Variants in PAM observed in about 807,000 individuals in gnomAD.
The protein encoded by PAM is peptidylglycine alpha-amidating monooxygenase.
Under a neutral mutation model 122.1 loss-of-function variants are expected in PAM, and 72 were observed. The observed-to-expected ratio is 0.59, with a 90% confidence interval of 0.49 to 0.72. The LOEUF (loss-of-function observed/expected upper bound fraction) is 0.72, where lower values mean the gene tolerates loss of function less well. PAM is among the 30% of genes least tolerant of loss of function. PAM has a pLI of 0.00. For synonymous variants in PAM, 389 were observed against 404.4 expected (o/e 0.96, Z 0.46); for missense variants, 1,106 against 1,183.7 (o/e 0.93, Z 0.96).
At chr5:102,894,074 G>A (rs1307690357) in intron 3 of PAM, among the ~76,000 whole-genome samples, 1 of 151,594 alleles carries the variant, frequency 6.6e-6, no homozygotes, top group African/African-American at 2.4e-5. Context: ...TACCATTGCT[G>A]CAGGCATTTC....
At chr5:102,782,624 T>G (rs893848735) in intron 1 of PAM, among the ~76,000 whole-genome samples, 1 of 152,174 alleles carries the variant, frequency 6.6e-6, no homozygotes, top group Non-Finnish European at 1.5e-5. Flanking sequence ...AAAGTCAATA[T>G]TTGGTTCTTA....
At chr5:102,977,033 G>T (rs1767906066) in intron 15 of PAM, among the ~76,000 whole-genome samples, 1 of 152,140 alleles carries the variant, frequency 6.6e-6, no homozygotes, top group Non-Finnish European at 1.5e-5. Flanking sequence ...TAATACAATG[G>T]TGTTTTCTGC....
chr5:102,800,856 A>C (rs1764531065), intron 1 of PAM, among the ~76,000 whole-genome samples: 2 of 152,112 alleles, frequency 1.3e-5, no homozygotes. Context: ...ATGTGTAATT[A>C]ATATTTTACA....
At chr5:102,861,632 G>C (rs1432024985) in intron 1 of PAM, among the ~76,000 whole-genome samples, 3 of 152,156 alleles carry the variant, frequency 2.0e-5, no homozygotes, top group African/African-American at 7.2e-5. Context: ...TTTGGAACCT[G>C]AGGATTAGAT....
intron 4 of PAM, among the ~76,000 whole-genome samples, chr5:102,901,949 C>T (rs766110711): frequency 7.9e-5 from 12 of 151,494 alleles, no homozygotes; most frequent in African/African-American, 2.7e-4. Flanking sequence ...AATAAGAGAA[C>T]GCTTAAATGA....
intron 7 of PAM, among the ~76,000 whole-genome samples, chr5:102,932,844 A>G (rs1410040782): frequency 2.0e-5 from 3 of 152,154 alleles, no homozygotes; most frequent in East Asian, 1.9e-4. Context: ...TGATTGTGCT[A>G]TGATTTCTTT....
rs569427441 is a variant in PAM at position 102,805,152 on chromosome 5, C to T, written c.-374+49804C>T. ...GTAGTGTGATCTCAGCTCACTGCAA[C>T]CTCCGCCTCCTGGGTTCAAGCAGTT... On this transcript the variant is annotated intron_variant, in intron 1 of 25. Coordinates refer to ENST00000438793, the MANE Select transcript of PAM (RefSeq NM_001177306.2). 6.7e-5 allele frequency among the ~76,000 whole-genome samples: 10 copies of T among 149,766 alleles called. No individual in the cohort carries two copies. In the South Asian group the frequency reaches 2.1e-3, roughly 32 times the overall value.
chr5:102,848,506 C>A (rs1436391798), intron 1 of PAM, among the ~76,000 whole-genome samples: 1 of 152,208 alleles, frequency 6.6e-6, no homozygotes, highest in Non-Finnish European at 1.5e-5. Context: ...AAAAGACCAA[C>A]TTGATGCTCA....
chr5:102,913,897 C>T, intron 4 of PAM, 37 bp from the exon 5 acceptor site: 1 of 1,159,578 alleles, frequency 8.6e-7, no homozygotes, highest in Non-Finnish European at 1.3e-6. Flanking sequence ...AGAAGTGTAA[C>T]TTGTATTCAC....
At chr5:102,779,924 C>CACACAT (rs775810552) in intron 1 of PAM, among the ~76,000 whole-genome samples, 7 of 85,964 alleles carry the variant, frequency 8.1e-5, no homozygotes, top group East Asian at 3.4e-4. Flanking sequence ...TATATACACA[C>CACACAT]ATATATATAT....
intron 1 of PAM, among the ~76,000 whole-genome samples, chr5:102,828,447 G>A (rs1774327183): frequency 6.6e-6 from 1 of 152,080 alleles, no homozygotes; most frequent in Admixed American, 6.6e-5. Flanking sequence ...TATGAATACT[G>A]GCTGTGTCTG....
chr5:102,777,468 G>C (rs1757469336), intron 1 of PAM, among the ~76,000 whole-genome samples: 1 of 152,096 alleles, frequency 6.6e-6, no homozygotes, highest in African/African-American at 2.4e-5. Flanking sequence ...CATACCAGGT[G>C]CTCTATAAAT....
intron 1 of PAM, among the ~76,000 whole-genome samples, chr5:102,851,509 A>C (rs1231960020): frequency 6.6e-6 from 1 of 152,170 alleles, no homozygotes; most frequent in African/African-American, 2.4e-5. Context: ...GGCAAATAAT[A>C]CTGCTTAACT....
At chr5:102,980,914 G>T (rs999759963) in intron 15 of PAM, among the ~76,000 whole-genome samples, 6 of 152,140 alleles carry the variant, frequency 3.9e-5, no homozygotes, top group African/African-American at 1.4e-4. Context: ...GAACCAGGTT[G>T]CTCATGGTGT....
At chr5:102,797,495 A>G (rs1450352392) in intron 1 of PAM, among the ~76,000 whole-genome samples, 2 of 152,164 alleles carry the variant, frequency 1.3e-5, no homozygotes, top group Non-Finnish European at 2.9e-5. Flanking sequence ...GCAGGTGGCT[A>G]ATGGCTTTCG....
intron 1 of PAM, among the ~76,000 whole-genome samples, chr5:102,771,615 C>T (rs146471940): frequency 6.6e-6 from 1 of 152,218 alleles, no homozygotes; most frequent in East Asian, 1.9e-4. Flanking sequence ...TTTTCAACTA[C>T]AGGATCACAA....
chr5:102,984,635 C>A (rs1010767238), intron 15 of PAM, among the ~76,000 whole-genome samples: 5 of 152,074 alleles, frequency 3.3e-5, no homozygotes, highest in Non-Finnish European at 5.9e-5. Context: ...GACTCCAACA[C>A]AATAATGGTT....
At chr5:102,937,551 T>G (rs1753673552) in intron 7 of PAM, among the ~76,000 whole-genome samples, 1 of 152,144 alleles carries the variant, frequency 6.6e-6, no homozygotes, top group Admixed American at 6.6e-5. Context: ...CAATGGATGT[T>G]ATGTGTCATG....
intron 16 of PAM, among the ~76,000 whole-genome samples, chr5:102,997,063 A>G (rs908919746): frequency 1.3e-5 from 2 of 152,184 alleles, no homozygotes; most frequent in Non-Finnish European, 2.9e-5. Context: ...AATAATAATC[A>G]TAAAGCTATG....
Sources: gnomAD v4.1 joint callset for allele counts (sites outside exome capture counted in the v4.1 genomes callset) on GRCh38, gnomAD v4.1.1 for gene constraint, MANE v1.5 for transcripts, NCBI Gene and HGNC (gene_info 2026-07-23, HGNC 2026-07-21) for gene names.